Variants in AFAP1L2 observed in about 807,000 individuals in gnomAD.
AFAP1L2 encodes the protein actin filament-associated protein 1-like 2.
A neutral mutation model predicts 99.3 loss-of-function variants in AFAP1L2; 46 were observed. That is an observed-to-expected ratio of 0.46 (90% CI 0.37 to 0.59). The LOEUF (loss-of-function observed/expected upper bound fraction) is 0.59, where lower values mean the gene tolerates loss of function less well. Ranked by LOEUF, AFAP1L2 falls within the 20% of genes least tolerant of loss-of-function variation. AFAP1L2 has a pLI of 0.00. For synonymous variants in AFAP1L2, 397 were observed against 419.1 expected (o/e 0.95, Z 0.64); for missense variants, 959 against 1,034.9 (o/e 0.93, Z 1.01).
chr10:114,362,162 T>C (rs1482664593), intron 1 of AFAP1L2, among the ~76,000 whole-genome samples: 1 of 152,106 alleles, frequency 6.6e-6, no homozygotes, highest in Non-Finnish European at 1.5e-5. Context: ...TCAAGGTTGG[T>C]ATGGGAATTA....
the AFAP1L2 span, chr10:114,286,530 AC>A: frequency 6.6e-7 from 1 of 1,526,018 alleles, no homozygotes. Flanking sequence ...CCAGTGCCTG[AC>A]CCAGGACCGC....
intron 1 of AFAP1L2, among the ~76,000 whole-genome samples, chr10:114,400,294 A>G (rs1356956675): frequency 6.6e-6 from 1 of 152,172 alleles, no homozygotes; most frequent in Non-Finnish European, 1.5e-5. Context: ...CCTTCAGAAG[A>G]GAGGAAGGGC....
At chr10:114,285,853 C>CCCAGG in the AFAP1L2 span, 2 of 1,350,484 alleles carry the variant, frequency 1.5e-6, no homozygotes, top group Non-Finnish European at 2.0e-6. Flanking sequence ...CATCTCCCTC[C>CCCAGG]TGGGAGATGT....
intron 4 of AFAP1L2, chr10:114,325,921 C>G: frequency 4.7e-6 from 6 of 1,289,382 alleles, no homozygotes; most frequent in Non-Finnish European, 6.1e-6. Flanking sequence ...TCCCAGGGCT[C>G]ATCAGCCTGA....
intron 4 of AFAP1L2, among the ~76,000 whole-genome samples, chr10:114,326,368 T>C (rs562281653): frequency 1.4e-4 from 22 of 152,354 alleles, no homozygotes; most frequent in Non-Finnish European, 2.9e-4. Context: ...TCCTGTAATT[T>C]ATGATACAAA....
chr10:114,315,652 G>C lies in AFAP1L2; in HGVS notation c.520C>G (p.Arg174Gly), dbSNP rs761416436. 6.2e-7 allele frequency: 1 copy of C among 1,613,950 alleles called. No individual in the cohort carries two copies. Among genetic ancestry groups the C allele is most frequent in the Non-Finnish European group, 8.5e-7 (1 of 1,180,002 alleles). Reference sequence around the variant, plus strand: ...AGGAAGGCGCAGATGCGGGCGTCACGCATCAGCTCGATGCCGGCCTCCGGC... The same window carrying C: ...AGGAAGGCGCAGATGCGGGCGTCACCCATCAGCTCGATGCCGGCCTCCGGC... ...PSPEAGIELM[R>G]DARICAFLWR... Residue 174 changes from arginine to glycine, a missense_variant, in exon 6 of 19, where the codon CGT becomes GGT. Transcript: ENST00000304129.
chr10:114,364,516 A>T (rs548526996), intron 1 of AFAP1L2, among the ~76,000 whole-genome samples: 1 of 152,174 alleles, frequency 6.6e-6, no homozygotes, highest in Non-Finnish European at 1.5e-5. Context: ...ACATGGCATG[A>T]CATGTGTCTC....
intron 1 of AFAP1L2, among the ~76,000 whole-genome samples, chr10:114,349,457 C>T (rs1019361909): frequency 6.8e-6 from 1 of 148,116 alleles, no homozygotes; most frequent in African/African-American, 2.5e-5. Context: ...GGTGTGGTGG[C>T]ATGCACCTGT....
intron 6 of AFAP1L2, among the ~76,000 whole-genome samples, chr10:114,314,366 G>A (rs1564838235): frequency 6.6e-6 from 1 of 152,194 alleles, no homozygotes; most frequent in Non-Finnish European, 1.5e-5. Context: ...TACGTCCTCT[G>A]TGTTCACCGT....
chr10:114,373,015 T>C (rs1421303202), intron 1 of AFAP1L2, among the ~76,000 whole-genome samples: 3 of 152,190 alleles, frequency 2.0e-5, no homozygotes, highest in Non-Finnish European at 4.4e-5. Context: ...TTAAAATATA[T>C]CCTTTTCTTC....
intron 1 of AFAP1L2, among the ~76,000 whole-genome samples, chr10:114,388,658 T>A (rs545756603): frequency 6.6e-6 from 1 of 152,306 alleles, no homozygotes; most frequent in East Asian, 1.9e-4. Context: ...AAAGTAAAGC[T>A]TAGAAAATGT....
rs141436236 is a variant in AFAP1L2, at chr10:114,302,677, G to A, written c.1285-193C>T. Among the ~76,000 whole-genome samples, 104 of 152,228 alleles carry A rather than the reference G, an allele frequency of 6.8e-4. No homozygotes were observed. In the East Asian group the frequency reaches 0.011, roughly 16 times the overall value. The stretch of plus-strand genomic sequence containing the variant: ...GTGGCCCCAGATAATATTTCCTGTC[G>A]TCAGTGACATCTTGATGCCACCTCA... On this transcript the variant is annotated intron_variant, in intron 11 of 18. Transcript: ENST00000304129.
At chr10:114,313,829 C>A (rs1381960054) in intron 7 of AFAP1L2, 42 bp downstream of exon 7, 1 of 1,541,638 alleles carries the variant, frequency 6.5e-7, no homozygotes, top group African/African-American at 1.4e-5. Context: ...CTGGGGGCCA[C>A]AACTCTAGGA....
At chr10:114,373,446 G>A (rs1444090604) in intron 1 of AFAP1L2, among the ~76,000 whole-genome samples, 4 of 152,032 alleles carry the variant, frequency 2.6e-5, no homozygotes, top group East Asian at 1.9e-4. Context: ...GCAAAAAGGC[G>A]AAACCCTGTC....
the AFAP1L2 span, among the ~76,000 whole-genome samples, chr10:114,283,240 G>GGCAGTTAGACACACAGGCAGGGCAGCGA: frequency 6.6e-6 from 1 of 152,016 alleles, no homozygotes; most frequent in African/African-American, 2.4e-5. Context: ...AAGCAATGCC[G>GGCAGTTAGACACACAGGCAGGGCAGCGA]GCAGTTAGAC....
intron 1 of AFAP1L2, chr10:114,398,890 A>G (rs1417191341): frequency 6.9e-6 from 9 of 1,304,368 alleles, no homozygotes; most frequent in Admixed American, 2.3e-5. Context: ...ACCACCAGAC[A>G]GCAACACCCC....
chr10:114,369,409 C>T lies in AFAP1L2; in HGVS notation c.17-28678G>A, dbSNP rs560423899. On this transcript the variant is annotated intron_variant, in intron 1 of 18. Coordinates refer to ENST00000304129, the MANE Select transcript of AFAP1L2 (RefSeq NM_001001936.3). Reference sequence around the variant, plus strand: ...AGGAGATCGAGACCATCCTGGCTAACATGGTGAAACCCCGTCTCTACTAAA... The same window carrying T: ...AGGAGATCGAGACCATCCTGGCTAATATGGTGAAACCCCGTCTCTACTAAA... 4.6e-3 allele frequency among the ~76,000 whole-genome samples: 696 copies of T among 152,162 alleles called. 4 individuals carry two copies. Among genetic ancestry groups the T allele is most frequent in the African/African-American group, 0.016 (668 of 41,524 alleles).
chr10:114,379,738 A>T (rs1283718595), intron 1 of AFAP1L2, among the ~76,000 whole-genome samples: 1 of 152,192 alleles, frequency 6.6e-6, no homozygotes, highest in Non-Finnish European at 1.5e-5. Context: ...GGGCAGTCAT[A>T]TGATGCTGTA....
chr10:114,385,988 C>T (rs2137677882), intron 1 of AFAP1L2, among the ~76,000 whole-genome samples: 1 of 151,866 alleles, frequency 6.6e-6, no homozygotes, highest in African/African-American at 2.4e-5. Flanking sequence ...TAGAAAATGT[C>T]CAAGGAAGGA....
Sources: allele counts gnomAD v4.1 joint callset (sites outside exome capture counted in the v4.1 genomes callset), GRCh38; gene constraint gnomAD v4.1.1; transcripts MANE v1.5; gene names NCBI Gene and HGNC (gene_info 2026-07-23, HGNC 2026-07-21).